The following SNX7 variants were observed in gnomAD, a reference collection of about 807,000 sequenced individuals.
The protein encoded by SNX7 is sorting nexin-7.
Under a neutral mutation model 48.4 loss-of-function variants are expected in SNX7, and 35 were observed. The ratio of observed to expected loss-of-function variants is 0.72; its 90% CI spans 0.55 to 0.96. SNX7 has a LOEUF of 0.96. SNX7 is among the 40% of genes least tolerant of loss of function. The pLI is 0.00. For synonymous variants in SNX7, 190 were observed against 190.2 expected (o/e 1.00, Z 0.01); for missense variants, 553 against 548.9 (o/e 1.01, Z -0.07).
At chr1:98,750,472 A>G (rs1654527398) in intron 8 of SNX7, among the ~76,000 whole-genome samples, 1 of 152,108 alleles carries the variant, frequency 6.6e-6, no homozygotes, top group Non-Finnish European at 1.5e-5. Flanking sequence ...ATATACATAT[A>G]TGTATTTATG....
At chr1:98,721,581 G>C (rs910421371) in intron 7 of SNX7, among the ~76,000 whole-genome samples, 3 of 151,792 alleles carry the variant, frequency 2.0e-5, no homozygotes, top group African/African-American at 7.3e-5. Flanking sequence ...AAGTAAACTG[G>C]GAAAAATAAT....
intron 4 of SNX7, among the ~76,000 whole-genome samples, chr1:98,691,935 ACACTCTCTCTCTCT>A (rs1287586159): frequency 6.9e-5 from 6 of 87,290 alleles, no homozygotes; most frequent in African/African-American, 1.9e-4. Context: ...ACACACACAC[ACACTCTCTCTCTCT>A]CTCTCTCTCT....
At chr1:98,662,627 T>G in intron 1 of SNX7, 1 of 1,255,978 alleles carries the variant, frequency 8.0e-7, no homozygotes, top group Non-Finnish European at 1.0e-6. Flanking sequence ...GTGGTAGACT[T>G]TTGGTACGTG....
chr1:98,686,106 C>T (rs945735438), intron 2 of SNX7, among the ~76,000 whole-genome samples: 1 of 152,114 alleles, frequency 6.6e-6, no homozygotes, highest in East Asian at 1.9e-4. Flanking sequence ...CTGTGTCCAT[C>T]CCCTTCTTAG....
intron 1 of SNX7, among the ~76,000 whole-genome samples, chr1:98,678,432 A>G (rs922342189): frequency 6.6e-6 from 1 of 152,208 alleles, no homozygotes; most frequent in Non-Finnish European, 1.5e-5. Flanking sequence ...CATCCAAACT[A>G]TATCAGTGTA....
At chr1:98,672,150 A>G (rs74110424) in intron 1 of SNX7, among the ~76,000 whole-genome samples, 8,586 of 152,156 alleles carry the variant, frequency 0.056, 757 homozygotes, top group African/African-American at 0.18. Flanking sequence ...TCGAGATTTC[A>G]GTGGCTTGCT....
At chr1:98,692,727 C>G (rs1296061352) in intron 4 of SNX7, among the ~76,000 whole-genome samples, 1 of 152,158 alleles carries the variant, frequency 6.6e-6, no homozygotes, top group South Asian at 2.1e-4. Flanking sequence ...TACAATAGTA[C>G]AGTGTGTAGT....
At chr1:98,683,814 C>T (rs12036556) in intron 1 of SNX7, among the ~76,000 whole-genome samples, 3,922 of 152,232 alleles carry the variant, frequency 0.026, 146 homozygotes, top group East Asian at 0.16. Flanking sequence ...AACAGGTTTG[C>T]ATGTCTTTTA....
chr1:98,758,503 A>G (rs1654964079), intron 8 of SNX7, among the ~76,000 whole-genome samples: 1 of 152,076 alleles, frequency 6.6e-6, no homozygotes, highest in Non-Finnish European at 1.5e-5. Flanking sequence ...CTGGAGGATA[A>G]AAGCAAATCC....
At chr1:98,741,199 T>C (rs1428848163) in intron 8 of SNX7, among the ~76,000 whole-genome samples, 1 of 152,212 alleles carries the variant, frequency 6.6e-6, no homozygotes, top group Non-Finnish European at 1.5e-5. Flanking sequence ...CCTAGTGTGA[T>C]GGATGAAACA....
In SNX7 at chr1:98,685,078, G is replaced by T; in HGVS notation, c.363+11G>T. ...AGGATTATTACTAAGGTAAACATTTGGTGAATATTTTCTTGAATATAGCTG... is the reference window on the plus strand; with the variant it reads ...AGGATTATTACTAAGGTAAACATTTTGTGAATATTTTCTTGAATATAGCTG... On this transcript the variant is annotated intron_variant, in intron 2 of 8. Transcript: ENST00000306121. 1.4e-6 allele frequency: 2 copies of T among 1,426,338 alleles called. No homozygotes were observed. Among genetic ancestry groups the T allele is most frequent in the Admixed American group, 2.3e-5 (1 of 43,048 alleles). The allele number at this position is 1,426,338 out of a possible 1,614,324, so 88.4% of individuals were successfully genotyped here.
At chr1:98,727,539 A>G (rs1208217578) in intron 7 of SNX7, among the ~76,000 whole-genome samples, 2 of 152,186 alleles carry the variant, frequency 1.3e-5, no homozygotes, top group Admixed American at 6.5e-5. Flanking sequence ...ATGAACTGAC[A>G]GAAGTAGACG....
At chr1:98,689,477 C>T (rs913033822) in intron 2 of SNX7, among the ~76,000 whole-genome samples, 1 of 152,146 alleles carries the variant, frequency 6.6e-6, no homozygotes, top group Non-Finnish European at 1.5e-5. Context: ...TGAGGATAGA[C>T]TGAACCAATT....
intron 7 of SNX7, among the ~76,000 whole-genome samples, chr1:98,715,965 C>T (rs1652569453): frequency 6.6e-6 from 1 of 151,976 alleles, no homozygotes; most frequent in Admixed American, 6.6e-5. Context: ...TCTGTATTTA[C>T]ATATATATAA....
At chr1:98,721,143 C>G (rs1652851319) in intron 7 of SNX7, among the ~76,000 whole-genome samples, 1 of 152,098 alleles carries the variant, frequency 6.6e-6, no homozygotes, top group African/African-American at 2.4e-5. Context: ...GCTCCAAAAT[C>G]TGGTACTTTT....
chr1:98,743,457 C>G (rs1360865361), intron 8 of SNX7, among the ~76,000 whole-genome samples: 3 of 151,782 alleles, frequency 2.0e-5, no homozygotes, highest in Non-Finnish European at 4.4e-5. Context: ...ATATGGACAT[C>G]TAGCAAGCAG....
chr1:98,677,522 C>G (rs912039269), intron 1 of SNX7, among the ~76,000 whole-genome samples: 2 of 151,990 alleles, frequency 1.3e-5, no homozygotes, highest in Non-Finnish European at 2.9e-5. Context: ...TCACTGCTGA[C>G]TAAAAGAGTT....
chr1:98,686,846 A>G (rs571621929), intron 2 of SNX7, among the ~76,000 whole-genome samples: 3 of 152,186 alleles, frequency 2.0e-5, no homozygotes, highest in East Asian at 3.9e-4. Flanking sequence ...ATAATTATCT[A>G]TTGTCATTAT....
chr1:98,688,228 C>T (rs1473972710), intron 2 of SNX7, among the ~76,000 whole-genome samples: 1 of 152,120 alleles, frequency 6.6e-6, no homozygotes, highest in Non-Finnish European at 1.5e-5. Flanking sequence ...CACATACATA[C>T]ATGGACAATC....
Sources: allele counts gnomAD v4.1 joint callset (sites outside exome capture counted in the v4.1 genomes callset), GRCh38; gene constraint gnomAD v4.1.1; transcripts MANE v1.5; gene names NCBI Gene and HGNC (gene_info 2026-07-23, HGNC 2026-07-21).